Variants in MINDY4 observed in about 807,000 individuals in gnomAD.
The protein encoded by MINDY4 is probable ubiquitin carboxyl-terminal hydrolase MINDY-4.
In MINDY4, 68 loss-of-function variants were observed where a neutral mutation model predicts 87.0. That is an observed-to-expected ratio of 0.78 (90% CI 0.64 to 0.96). The LOEUF is 0.96. Ranked by LOEUF, MINDY4 falls within the 40% of genes least tolerant of loss-of-function variation. MINDY4 has a pLI of 0.00. For synonymous variants in MINDY4, 379 were observed against 363.2 expected, an observed-to-expected ratio of 1.04 and a Z score of -0.50; for missense variants, 919 against 928.2, an observed-to-expected ratio of 0.99 and a Z score of 0.13.
chr7:30,807,518 G>A (rs760835744), intron 5 of MINDY4, among the ~76,000 whole-genome samples: 22 of 151,940 alleles, frequency 1.4e-4, no homozygotes, highest in South Asian at 2.1e-4. Flanking sequence ...AAAAAAAGCC[G>A]GTCTGGTCTA....
At chr7:30,872,340 C>T (rs1462213810) in intron 14 of MINDY4, 34 bp downstream of exon 14, 3 of 1,600,416 alleles carry the variant, frequency 1.9e-6, no homozygotes, top group Non-Finnish European at 2.6e-6. Flanking sequence ...GGTGGTCCTT[C>T]CCCCTCCTCT....
chr7:30,874,553 T>TG (rs1367555867), intron 14 of MINDY4, among the ~76,000 whole-genome samples: 1 of 152,216 alleles, frequency 6.6e-6, no homozygotes, highest in African/African-American at 2.4e-5. Context: ...GGAGGAATGT[T>TG]GCTCCACACG....
chr7:30,850,477 A>G lies in MINDY4; in HGVS notation c.1469A>G (p.His490Arg). The G allele has an allele frequency of 1.2e-6, 2 of 1,612,476 alleles. No individual in the cohort carries two copies. Among genetic ancestry groups the G allele is most frequent in the Non-Finnish European group, 1.7e-6 (2 of 1,179,438 alleles). ...CAQGLQPSDA[H>R]RTRCLVLALA... ...AGGGGACTGCAGCCTTCAGATGCCC[A>G]CCGGACCCGCTGCCTCGTCCTGGCC... Residue 490 changes from histidine to arginine, a missense_variant, in exon 10 of 18, where the codon CAC becomes CGC. Physicochemically the swap from His to Arg is conservative, Grantham distance 29. Coordinates refer to ENST00000265299, the MANE Select transcript of MINDY4 (RefSeq NM_032222.3).
chr7:30,860,518 C>A lies in MINDY4; in HGVS notation c.1745+1194C>A, dbSNP rs115610411. 4.0e-3 allele frequency among the ~76,000 whole-genome samples: 606 copies of A among 152,298 alleles called. 1 individual carries two copies. The highest frequency in any genetic ancestry group is 0.014 in the African/African-American group (577 of 41,564). On this transcript the variant is annotated intron_variant, in intron 13 of 17. Transcript: ENST00000265299. Reference sequence around the variant, plus strand: ...GACTGGGTTTGCTCCTGGTTTGGCTCATTTCTGGGCTGACGGGTTGGGTGG... The same window carrying A: ...GACTGGGTTTGCTCCTGGTTTGGCTAATTTCTGGGCTGACGGGTTGGGTGG...
intron 13 of MINDY4, among the ~76,000 whole-genome samples, chr7:30,866,520 C>T (rs532496345): frequency 1.3e-5 from 2 of 152,284 alleles, no homozygotes; most frequent in Admixed American, 6.5e-5. Context: ...AGTTCTAGCC[C>T]TCAAAGTCCT....
intron 13 of MINDY4, among the ~76,000 whole-genome samples, chr7:30,862,264 G>GC (rs1562558254): frequency 6.6e-6 from 1 of 152,224 alleles, no homozygotes; most frequent in Non-Finnish European, 1.5e-5. Flanking sequence ...GGGAATGCCA[G>GC]CAAGGATGGG....
chr7:30,813,967 T>G (rs1014616366), intron 5 of MINDY4, among the ~76,000 whole-genome samples: 3 of 152,174 alleles, frequency 2.0e-5, no homozygotes, highest in African/African-American at 4.8e-5. Flanking sequence ...TTGATCTTGC[T>G]CTGGCCAAAC....
intron 13 of MINDY4, among the ~76,000 whole-genome samples, chr7:30,866,761 G>C (rs567019113): frequency 1.3e-5 from 2 of 152,324 alleles, no homozygotes; most frequent in South Asian, 4.1e-4. Context: ...GGTCTAGTTG[G>C]GAGGGAAGGA....
intron 5 of MINDY4, among the ~76,000 whole-genome samples, chr7:30,822,901 C>G (rs1788386505): frequency 6.6e-6 from 1 of 152,008 alleles, no homozygotes; most frequent in African/African-American, 2.4e-5. Context: ...ACCTTGGCCT[C>G]CCAAAGGGCT....
intron 5 of MINDY4, among the ~76,000 whole-genome samples, chr7:30,799,588 G>T (rs888342522): frequency 6.6e-6 from 1 of 152,232 alleles, no homozygotes; most frequent in African/African-American, 2.4e-5. Context: ...TAAGAACAAT[G>T]GTTCTTAAAC....
rs560853626 is a variant in MINDY4, at chr7:30,877,660, C to CTCT, written c.1971+2027_1971+2029dup. Reference sequence around the variant, plus strand: ...CCAGCAGCTCAGACAAAGCCCTTCCCTCTTCTTCTTCTTCTTCTTCTTCTT... The same window carrying CTCT: ...CCAGCAGCTCAGACAAAGCCCTTCCCTCTTCTTCTTCTTCTTCTTCTTCTTCTT... On this transcript the variant is annotated intron_variant, in intron 15 of 17. Coordinates refer to ENST00000265299, the MANE Select transcript of MINDY4 (RefSeq NM_032222.3). 3.9e-3 allele frequency among the ~76,000 whole-genome samples: 557 copies of CTCT among 143,824 alleles called. 4 individuals carry two copies. Among genetic ancestry groups the CTCT allele is most frequent in the African/African-American group, 6.4e-3 (236 of 36,858 alleles). The allele number at this position is 143,824 out of a possible 152,430, so 94.4% of individuals were successfully genotyped here.
In MINDY4 at chr7:30,839,220, T is replaced by G. The variant is rs780660232; in HGVS notation, c.1260T>G (p.Phe420Leu). 1.2e-6 allele frequency: 2 copies of G among 1,607,734 alleles called. No homozygotes were observed. The highest frequency in any genetic ancestry group is 1.7e-6 in the Non-Finnish European group (2 of 1,178,148). ...SVAKEIKTLL[F>L]GSSFCCFNEE... ...TATAGGAAATAAAGACCCTTCTGTT[T>G]GGTTCCAGCTTTTGCTGTTTCAATG... Residue 420 changes from phenylalanine (F) to leucine (L), a missense_variant, in exon 8 of 18, where the codon TTT becomes TTG. Phe to Leu is a conservative substitution (Grantham distance 22). Coordinates refer to ENST00000265299, the MANE Select transcript of MINDY4 (RefSeq NM_032222.3).
At chr7:30,800,448 G>T (rs960920538) in intron 5 of MINDY4, among the ~76,000 whole-genome samples, 1 of 152,148 alleles carries the variant, frequency 6.6e-6, no homozygotes, top group Non-Finnish European at 1.5e-5. Flanking sequence ...ACGTCCTTTT[G>T]TCTTAGTGAG....
At chr7:30,793,399 T>C (rs1024915738) in intron 5 of MINDY4, among the ~76,000 whole-genome samples, 1 of 148,090 alleles carries the variant, frequency 6.8e-6, no homozygotes, top group African/African-American at 2.5e-5. Context: ...CTAGTTTTTA[T>C]TTGGAAATGT....
chr7:30,828,737 G>A lies in MINDY4; in HGVS notation c.1132G>A (p.Glu378Lys), dbSNP rs773627795. ...VDGELGALRL[E>K]DVEDELIREE... ...TGGTGAGCTGGGTGCCCTGCGGCTC[G>A]GTAGGTGCAGCGGGTGCCTCTGTGC... The change falls in exon 6 of 18, where the codon GAG becomes AAG. Residue 378 changes from glutamate to lysine, a missense_variant and splice_region_variant. Glu to Lys is a moderately conservative substitution (Grantham distance 56). Coordinates refer to ENST00000265299, the MANE Select transcript of MINDY4 (RefSeq NM_032222.3). 28 of 1,612,396 alleles carry A rather than the reference G, an allele frequency of 1.7e-5. No individual in the cohort carries two copies. In the Middle Eastern group the frequency reaches 7.4e-4, roughly 43 times the overall value.
At chr7:30,859,038 C>T (rs1286461956) in intron 12 of MINDY4, 2 of 711,428 alleles carry the variant, frequency 2.8e-6, no homozygotes, top group Non-Finnish European at 5.2e-6. Flanking sequence ...TTTGGTGGCC[C>T]CTGCATCACC....
At chr7:30,774,281 G>T (rs1424421054) in intron 1 of MINDY4, among the ~76,000 whole-genome samples, 1 of 152,106 alleles carries the variant, frequency 6.6e-6, no homozygotes, top group African/African-American at 2.4e-5. Context: ...CACCTTCCTG[G>T]GCTGCACCAT....
chr7:30,877,568 C>T (rs1029077651), intron 15 of MINDY4, among the ~76,000 whole-genome samples: 1 of 152,052 alleles, frequency 6.6e-6, no homozygotes, highest in Non-Finnish European at 1.5e-5. Context: ...CCCTGGCCTC[C>T]TCTCCTCCTC....
intron 6 of MINDY4, among the ~76,000 whole-genome samples, chr7:30,834,697 C>A (rs1273598924): frequency 1.3e-5 from 2 of 152,008 alleles, no homozygotes; most frequent in African/African-American, 4.8e-5. Flanking sequence ...GCTTTGTTTC[C>A]CTTATAAAAC....
Sources: allele counts gnomAD v4.1 joint callset (sites outside exome capture counted in the v4.1 genomes callset), GRCh38; gene constraint gnomAD v4.1.1; transcripts MANE v1.5; gene names NCBI Gene and HGNC (gene_info 2026-07-23, HGNC 2026-07-21).